Variants in AFF3 observed in about 807,000 individuals in gnomAD.
AFF3 encodes the protein ALF transcription elongation factor 3.
A neutral mutation model predicts 129.7 loss-of-function variants in AFF3; 32 were observed. The observed-to-expected ratio is 0.25, with a 90% CI of 0.19 to 0.33. AFF3 has a LOEUF of 0.33. Ranked by LOEUF, AFF3 falls within the 10% of genes least tolerant of loss-of-function variation. AFF3 has a pLI of 1.00. For missense variants in AFF3, 1,373 were observed against 1,592.0 expected (o/e 0.86, Z 2.34); for synonymous variants, 644 against 635.4 (o/e 1.01, Z -0.20).
intron 9 of AFF3, among the ~76,000 whole-genome samples, chr2:99,750,538 G>A (rs1226701814): frequency 2.7e-5 from 4 of 150,822 alleles, no homozygotes; most frequent in South Asian, 2.1e-4. Context: ...CTACCTCAGC[G>A]TCCCAAGTAG....
chr2:99,852,591 A>C (rs564655353), intron 7 of AFF3, among the ~76,000 whole-genome samples: 5 of 152,236 alleles, frequency 3.3e-5, no homozygotes, highest in Non-Finnish European at 7.3e-5. Context: ...CTGTGCCAGT[A>C]CCAGGGATAC....
rs571814390 is a variant in AFF3 at position 100,057,296 on chromosome 2, G to A, written c.53+47106C>T. On this transcript the variant is annotated intron_variant, in intron 4 of 24. Transcript: ENST00000672756. The stretch of plus-strand genomic sequence containing the variant: ...AGATCACGCCACTGCACACCAGCCT[G>A]GGCAACAGAGCAAGACTCTGTCTCA... 1.9e-3 allele frequency among the ~76,000 whole-genome samples: 271 copies of A among 146,480 alleles called. 1 individual carries two copies. Among genetic ancestry groups the A allele is most frequent in the South Asian group, 3.6e-3 (16 of 4,424 alleles).
intron 12 of AFF3, among the ~76,000 whole-genome samples, chr2:99,671,349 G>A (rs1268072691): frequency 2.0e-5 from 3 of 152,108 alleles, no homozygotes; most frequent in African/African-American, 4.8e-5. Flanking sequence ...CTCGAAGCCT[G>A]AGTGGCCTTC....
intron 4 of AFF3, among the ~76,000 whole-genome samples, chr2:100,023,605 C>A (rs1290456929): frequency 6.6e-6 from 1 of 152,000 alleles, no homozygotes; most frequent in Non-Finnish European, 1.5e-5. Context: ...TCCAAGGAGC[C>A]CCCTCTACCT....
intron 8 of AFF3, among the ~76,000 whole-genome samples, chr2:99,767,455 TTC>T (rs1396485156): frequency 3.9e-5 from 6 of 152,222 alleles, no homozygotes; most frequent in Admixed American, 6.5e-5. Flanking sequence ...TCCTAACAAT[TTC>T]TGTCACTAAA....
intron 7 of AFF3, among the ~76,000 whole-genome samples, chr2:99,838,301 C>T (rs1358531840): frequency 1.3e-5 from 2 of 152,090 alleles, no homozygotes; most frequent in Non-Finnish European, 2.9e-5. Context: ...AGGGAGATCA[C>T]TTCTCTTCGT....
At chr2:99,995,459 G>A (rs528095898) in intron 7 of AFF3, among the ~76,000 whole-genome samples, 3 of 151,554 alleles carry the variant, frequency 2.0e-5, no homozygotes, top group South Asian at 2.1e-4. Context: ...TGCAAGCTCC[G>A]CCTCCCGGGT....
Position 99,716,128 on chromosome 2 carries a change from G to A in AFF3, c.1091+10949C>T, listed in dbSNP as rs79782715. On this transcript the variant is annotated intron_variant, in intron 11 of 24. Coordinates refer to ENST00000672756, the MANE Select transcript of AFF3 (RefSeq NM_001386135.1). ...TTCAGTGGTGGTAAATGTGGATTGA[G>A]CAAGCACAGTGATCCTGCCAAATTG... Among the ~76,000 whole-genome samples, 91 of 152,338 alleles carry A rather than the reference G, an allele frequency of 6.0e-4. 1 individual carries two copies. The highest frequency in any genetic ancestry group is 2.1e-3 in the African/African-American group (89 of 41,578).
At chr2:99,755,426 C>A (rs567177418) in intron 8 of AFF3, among the ~76,000 whole-genome samples, 3 of 152,108 alleles carry the variant, frequency 2.0e-5, no homozygotes, top group Non-Finnish European at 2.9e-5. Context: ...CGTCACCACA[C>A]CTGGCTAATT....
At chr2:99,690,188 A>ATTG (rs1199408064) in intron 11 of AFF3, among the ~76,000 whole-genome samples, 6 of 138,888 alleles carry the variant, frequency 4.3e-5, no homozygotes, top group African/African-American at 8.0e-5. Flanking sequence ...TATTATTATT[A>ATTG]TTATTATTAT....
intron 11 of AFF3, among the ~76,000 whole-genome samples, chr2:99,708,430 G>T (rs1028235332): frequency 1.3e-5 from 2 of 152,128 alleles, no homozygotes; most frequent in Non-Finnish European, 2.9e-5. Context: ...GTCCATCCCA[G>T]GTTTCAGGTC....
At chr2:99,648,931 T>A in intron 13 of AFF3, among the ~76,000 whole-genome samples, 1 of 124,714 alleles carries the variant, frequency 8.0e-6, no homozygotes, top group African/African-American at 2.9e-5. Flanking sequence ...TCTCTCTCTC[T>A]CTCTCTCCAA....
intron 2 of AFF3, among the ~76,000 whole-genome samples, chr2:100,126,345 C>G (rs1692191489): frequency 6.6e-6 from 1 of 152,164 alleles, no homozygotes; most frequent in African/African-American, 2.4e-5. Flanking sequence ...TGAGGCCGGG[C>G]CAGCTGCCAA....
chr2:100,076,446 A>G lies in AFF3; in HGVS notation c.53+27956T>C, dbSNP rs149114785. ...GTAAATACACGTCACCCCAACATGG[A>G]AGGCAATGTGGTCACTGCAGGTGAA... is the stretch of plus-strand genomic sequence containing the variant. On this transcript the variant is annotated intron_variant, in intron 4 of 24. Coordinates refer to ENST00000672756, the MANE Select transcript of AFF3 (RefSeq NM_001386135.1). Among the ~76,000 whole-genome samples the G allele has an allele frequency of 2.4e-4, 37 of 152,316 alleles. No individual in the cohort carries two copies. The East Asian group carries it at 6.8e-3, about 28-fold the overall frequency.
At position 99,594,115 on chromosome 2, in the gene AFF3, G is replaced by T. The variant is rs760559169; in HGVS notation, c.1546C>A (p.Pro516Thr). The change falls in exon 15 of 25, where the codon CCC (proline) becomes ACC (threonine). Residue 516 changes from proline (P) to threonine (T), a missense_variant. By Grantham distance (38) the Pro-to-Thr change is conservative (BLOSUM62 -1). Transcript: ENST00000672756. ...DCGKVPDVCQ[P>T]SLREKEIKST... ...TTGATCTCCTTCTCTCTCAGGCTGG[G>T]CTGGCAAACGTCGGGGACTTTCCCA... is the stretch of plus-strand genomic sequence containing the variant. 1.2e-6 allele frequency: 2 copies of T among 1,614,040 alleles called. No homozygotes were observed. Among genetic ancestry groups the T allele is most frequent in the Non-Finnish European group, 1.7e-6 (2 of 1,179,968 alleles).
In AFF3 at chr2:99,593,555, G is replaced by A. The variant is rs377006919; in HGVS notation, c.2106C>T (p.Ser702=). ...KAQTVAASAS[S]GNDQRLKEAA... ...CCTCCTTCAGCCTCTGATCATTCCC[G>A]GAGGAGGCAGAGGCAGCCACGGTCT... The change falls in exon 15 of 25, where the codon TCC becomes TCT. Residue 702 remains serine, a synonymous_variant. Transcript: ENST00000672756. The A allele has an allele frequency of 6.2e-6, 10 of 1,613,146 alleles. No homozygotes were observed. In the Admixed American group the frequency reaches 1.7e-4, roughly 27 times the overall value.
intron 8 of AFF3, among the ~76,000 whole-genome samples, chr2:99,786,796 T>C (rs1217609705): frequency 6.6e-6 from 1 of 152,184 alleles, no homozygotes; most frequent in African/African-American, 2.4e-5. Flanking sequence ...TGGAGTTTTG[T>C]CCTTTCCCAA....
intron 8 of AFF3, among the ~76,000 whole-genome samples, chr2:99,836,422 C>A (rs185071968): frequency 3.7e-4 from 56 of 151,830 alleles, no homozygotes; most frequent in African/African-American, 1.4e-3. Flanking sequence ...ACTTATATAC[C>A]AGAAATGAAG....
chr2:99,583,772 A>C (rs1307409932), intron 16 of AFF3, among the ~76,000 whole-genome samples: 2 of 152,138 alleles, frequency 1.3e-5, no homozygotes, highest in African/African-American at 4.8e-5. Flanking sequence ...GGCTCACTGC[A>C]GCCTCTGCCT....
Sources: allele counts gnomAD v4.1 joint callset (sites outside exome capture counted in the v4.1 genomes callset), GRCh38; gene constraint gnomAD v4.1.1; transcripts MANE v1.5; gene names NCBI Gene and HGNC (gene_info 2026-07-23, HGNC 2026-07-21).